The following PYGB variants were observed in gnomAD, a reference collection of about 807,000 sequenced individuals.
PYGB encodes the protein glycogen phosphorylase, brain form.
A neutral mutation model predicts 94.3 loss-of-function variants in PYGB; 82 were observed. The observed-to-expected ratio is 0.87, with a 90% CI of 0.73 to 1.04. The LOEUF (loss-of-function observed/expected upper bound fraction) is 1.04. PYGB is among the 50% of genes least tolerant of loss of function. The pLI, the probability that PYGB is intolerant of heterozygous loss-of-function variation, is 0.00. For missense variants in PYGB, 1,132 were observed against 1,158.2 expected (o/e 0.98, Z 0.33); for synonymous variants, 488 against 479.1 (o/e 1.02, Z -0.24).
chr20:25,295,482 C>T, intron 18 of PYGB, 122 bp from the exon 19 acceptor site: 9 of 1,140,148 alleles, frequency 7.9e-6, no homozygotes, highest in Non-Finnish European at 9.1e-6. Context: ...GTGGGTGGGC[C>T]CCTTCGCTCC....
intron 11 of PYGB, 145 bp from the exon 12 acceptor site, chr20:25,281,888 C>T (rs1203556352): frequency 2.5e-5 from 17 of 675,862 alleles, no homozygotes; most frequent in South Asian, 1.2e-4. Flanking sequence ...GCAGCTGCCG[C>T]GGTCACTCTG....
intron 2 of PYGB, among the ~76,000 whole-genome samples, chr20:25,265,951 T>G (rs2088214453): frequency 1.3e-5 from 2 of 152,174 alleles, no homozygotes; most frequent in African/African-American, 4.8e-5. Flanking sequence ...TAATAGCGTA[T>G]CAGATATGTG....
Position 25,294,143 on chromosome 20 carries a change from C to T in PYGB, c.2178-15C>T. 1 of 1,612,508 alleles carries T rather than the reference C, an allele frequency of 6.2e-7. No homozygotes were observed. The highest frequency in any genetic ancestry group is 8.5e-7 in the Non-Finnish European group (1 of 1,179,750). ...TGGGGCGCTGGCTGCTGACTCCTGG[C>T]CCATCGCCTCACAGGTACAATGCCA... On this transcript the variant is annotated splice_polypyrimidine_tract_variant and intron_variant, in intron 17 of 19. Coordinates refer to ENST00000216962, the MANE Select transcript of PYGB (RefSeq NM_002862.4).
rs965544493 is a variant in PYGB at position 25,248,430 on chromosome 20, C to T, written c.243+9C>T. The T allele has an allele frequency of 2.8e-6, 4 of 1,433,312 alleles. No individual in the cohort carries two copies. The highest frequency in any genetic ancestry group is 3.7e-6 in the Non-Finnish European group (4 of 1,082,096). 88.8% of individuals were successfully genotyped at this position (1,433,312 alleles called of 1,614,324 possible). ...ACGAGCGCGACCCCAAGGTGAGGCG[C>T]TGCCCCGCCCTGTGCGCCCGTGCCC... On this transcript the variant is annotated intron_variant, in intron 1 of 19. Transcript: ENST00000216962.
At chr20:25,262,705 T>C (rs2092916375) in intron 2 of PYGB, among the ~76,000 whole-genome samples, 1 of 149,900 alleles carries the variant, frequency 6.7e-6, no homozygotes, top group Non-Finnish European at 1.5e-5. Context: ...ATCAGTGTGC[T>C]GTATTCAGGA....
At chr20:25,259,769 C>G (rs1368992681) in intron 2 of PYGB, among the ~76,000 whole-genome samples, 1 of 152,200 alleles carries the variant, frequency 6.6e-6, no homozygotes, top group South Asian at 2.1e-4. Context: ...CACTATTTCT[C>G]CCCTAAAAAC....
chr20:25,257,867 A>AG (rs971661583), intron 1 of PYGB, among the ~76,000 whole-genome samples: 2 of 152,150 alleles, frequency 1.3e-5, no homozygotes, highest in Non-Finnish European at 2.9e-5. Context: ...CCTCTGCCAG[A>AG]GGGGGGAGGC....
chr20:25,277,146 G>C (rs548100857), intron 6 of PYGB, 98 bp from the exon 7 acceptor site: 13 of 931,830 alleles, frequency 1.4e-5, no homozygotes, highest in Non-Finnish European at 2.3e-5. Flanking sequence ...TCCTGTGCTC[G>C]AGCGAGTTTC....
intron 15 of PYGB, chr20:25,289,786 C>A (rs2088449168): frequency 5.6e-6 from 3 of 531,502 alleles, no homozygotes; most frequent in African/African-American, 1.9e-5. Context: ...TTCACTCTTA[C>A]ATACGTCAGC....
At position 25,283,203 on chromosome 20, in the gene PYGB, C is replaced by A; in HGVS notation, c.1546C>A (p.Leu516Met). 6.2e-7 allele frequency: 1 copy of A among 1,613,816 alleles called. No homozygotes were observed. Among genetic ancestry groups the A allele is most frequent in the Non-Finnish European group, 8.5e-7 (1 of 1,179,824 alleles). ...AATTGGGGAGGAGTTCCTGACTGAC[C>A]TGAGCCAGCTGAAGAAGCTGCTGCC... ...EKIGEEFLTD[L>M]SQLKKLLPLV... Residue 516 changes from leucine to methionine, a missense_variant, in exon 13 of 20, where the codon CTG becomes ATG. Leu to Met is a conservative substitution (Grantham distance 15). Transcript: ENST00000216962.
chr20:25,257,461 A>G (rs2092904863), intron 1 of PYGB, among the ~76,000 whole-genome samples: 1 of 152,216 alleles, frequency 6.6e-6, no homozygotes, highest in Non-Finnish European at 1.5e-5. Context: ...TAACTGGTAA[A>G]CTTTTTCCCC....
At chr20:25,284,608 TAG>T (rs1007699143) in intron 14 of PYGB, among the ~76,000 whole-genome samples, 37 of 152,214 alleles carry the variant, frequency 2.4e-4, no homozygotes, top group African/African-American at 8.9e-4. Context: ...GTATTTTTTG[TAG>T]AGACAGGGTT....
chr20:25,295,106 GAA>G (rs1182558322), intron 18 of PYGB: 45 of 1,422,494 alleles, frequency 3.2e-5, no homozygotes, highest in Non-Finnish European at 4.5e-5. Flanking sequence ...ATAGTGAACA[GAA>G]ATGCATTTGT....
chr20:25,280,857 G>T (rs2088359546), intron 10 of PYGB, 92 bp from the exon 11 acceptor site: 6 of 1,470,230 alleles, frequency 4.1e-6, no homozygotes, highest in Non-Finnish European at 1.9e-6. Flanking sequence ...GCTTCCCATG[G>T]GTGGTCATGG....
chr20:25,277,481 T>C (rs1206654698), intron 7 of PYGB, among the ~76,000 whole-genome samples, 155 bp downstream of exon 7: 1 of 152,148 alleles, frequency 6.6e-6, no homozygotes, highest in Non-Finnish European at 1.5e-5. Flanking sequence ...CACGATGCCC[T>C]TGGGGAGGAG....
At chr20:25,287,499 G>C (rs1190604895) in intron 14 of PYGB, among the ~76,000 whole-genome samples, 3 of 152,122 alleles carry the variant, frequency 2.0e-5, no homozygotes, top group African/African-American at 7.2e-5. Context: ...GAAAAAATTA[G>C]CTGCATGTGG....
At chr20:25,250,861 G>C (rs562892587) in intron 1 of PYGB, 4 of 152,224 alleles carry the variant, frequency 2.6e-5, no homozygotes, top group South Asian at 2.1e-4. Context: ...AGAAAATATA[G>C]ATAAGCCAGA....
At position 25,296,984 on chromosome 20, in the gene PYGB, T is replaced by TGTA; in HGVS notation, c.*464_*466dup. 1 of 167,758 alleles carries TGTA rather than the reference T, an allele frequency of 6.0e-6. No individual in the cohort carries two copies. Among genetic ancestry groups the TGTA allele is most frequent in the African/African-American group, 2.4e-5 (1 of 41,566 alleles). 10.4% of individuals were successfully genotyped at this position (167,758 alleles called of 1,614,324 possible). On this transcript the variant is annotated 3_prime_UTR_variant, in exon 20 of 20. Coordinates refer to ENST00000216962, the MANE Select transcript of PYGB (RefSeq NM_002862.4). Reference sequence around the variant, plus strand: ...AGCCACAGGGAAGGGCCAAGCCCCATGTAGCCCCAGTCATCCTGCCCAGCC... The same window carrying TGTA: ...AGCCACAGGGAAGGGCCAAGCCCCATGTAGTAGCCCCAGTCATCCTGCCCAGCC...
chr20:25,283,336 C>T (rs2088386625), intron 13 of PYGB, 59 bp downstream of exon 13: 1 of 1,482,350 alleles, frequency 6.7e-7, no homozygotes, highest in Admixed American at 1.7e-5. Flanking sequence ...GGCAGGTAGG[C>T]CCTGGCCCTA....
Sources: allele counts gnomAD v4.1 joint callset (sites outside exome capture counted in the v4.1 genomes callset), GRCh38; gene constraint gnomAD v4.1.1; transcripts MANE v1.5; gene names NCBI Gene and HGNC (gene_info 2026-07-23, HGNC 2026-07-21).